Variants in LRRC9 observed in about 807,000 individuals in gnomAD.
LRRC9 encodes the protein leucine-rich repeat-containing protein 9.
A neutral mutation model predicts 63.2 loss-of-function variants in LRRC9; 122 were observed. The observed-to-expected ratio is 1.93, with a 90% confidence interval of 1.67 to 2.24. The LOEUF is 2.24. LRRC9 is among the 30% of genes most tolerant of loss of function. The probability of loss-of-function intolerance (pLI) is 0.00; values close to 1 mark genes in which losing one functional copy is unlikely to be tolerated. For missense variants in LRRC9, 1,071 were observed against 627.7 expected (o/e 1.71, Z -7.55); for synonymous variants, 366 against 213.1 (o/e 1.72, Z -6.25).
At chr14:60,039,291 G>C (rs1265807309) in intron 29 of LRRC9, among the ~76,000 whole-genome samples, 69 of 152,328 alleles carry the variant, frequency 4.5e-4, no homozygotes, top group Non-Finnish European at 5.9e-5. Context: ...ATGAGTTAGG[G>C]AGGATTCCCT....
rs1393527085 is a variant in LRRC9, at chr14:60,027,018, G to C, written c.3704-866G>C. Among the ~76,000 whole-genome samples, 1 of 151,942 alleles carries C rather than the reference G, an allele frequency of 6.6e-6. No homozygotes were observed. Among genetic ancestry groups the C allele is most frequent in the Non-Finnish European group, 1.5e-5 (1 of 67,960 alleles). The stretch of plus-strand genomic sequence containing the variant: ...GGTTAGGATTTTCACATATGAATTG[G>C]AGGGGGACACAATTCAGCACATAAT... On this transcript the variant is annotated intron_variant, in intron 27 of 31. Coordinates refer to ENST00000445360, the Ensembl canonical transcript of LRRC9. The surrounding 1 kb of genome is among the most constrained non-coding windows in gnomAD (Gnocchi z 4.0).
Position 60,063,354 on chromosome 14 carries a change from C to A in LRRC9, c.4308C>A (p.Ile1436=), listed in dbSNP as rs1016461260. The A allele has an allele frequency of 1.7e-5, 12 of 700,812 alleles. No individual in the cohort carries two copies. In the African/African-American group the frequency reaches 1.9e-4, roughly 11 times the overall value. 43.4% of individuals were successfully genotyped at this position (700,812 alleles called of 1,614,324 possible). Residue 1436 remains isoleucine (I), a synonymous_variant, in exon 32 of 32, where the codon ATC becomes ATA. Transcript: ENST00000445360. ...TGGGAGCAACTTTCCAAGATCAAAT[C>A]GAATGTAACTGCCTAAAGAGAAATG...
chr14:60,057,945 A>G (rs1193461076), exon 31 of LRRC9: 4 of 692,378 alleles, frequency 5.8e-6, no homozygotes, highest in Admixed American at 4.0e-5. Context: ...CCTCCCATAG[A>G]GATAACAAAT....
chr14:60,029,646 T>A (rs1209773872), intron 28 of LRRC9, among the ~76,000 whole-genome samples: 1 of 152,004 alleles, frequency 6.6e-6, no homozygotes, highest in African/African-American at 2.4e-5. Context: ...CTGCCCCACC[T>A]CTCTACTCCT....
rs1371695894 is a variant in LRRC9, at chr14:60,020,546, TAG to T, written c.3566+1289_3566+1290del. On this transcript the variant is annotated intron_variant, in intron 26 of 31. Coordinates refer to ENST00000445360, the Ensembl canonical transcript of LRRC9. ...TAATTCAATAATTTTACTAAATTTA[TAG>T]AGTTGTATAATCATGACTGCAATAC... Among the ~76,000 whole-genome samples the T allele has an allele frequency of 6.6e-5, 10 of 152,066 alleles. No homozygotes were observed. The East Asian group carries it at 1.2e-3, about 18-fold the overall frequency.
intron 31 of LRRC9, chr14:60,062,100 A>C: frequency 2.5e-6 from 1 of 398,838 alleles, no homozygotes; most frequent in South Asian, 1.3e-4. Flanking sequence ...AGGGATAAGT[A>C]TCTCTCCATC....
chr14:59,954,478 T>C (rs769204364), intron 8 of LRRC9, among the ~76,000 whole-genome samples: 23 of 152,196 alleles, frequency 1.5e-4, no homozygotes, highest in Non-Finnish European at 2.8e-4. Context: ...TATTGGTGTA[T>C]AGGAATGCTT....
At position 59,938,263 on chromosome 14, in the gene LRRC9, A is replaced by T; in HGVS notation, c.544-127A>T. Reference sequence around the variant, plus strand: ...TAGAGAGAAACATTTTAGGCATCTAAATCACTTTAATGTATTTAAGCGCAT... The same window carrying T: ...TAGAGAGAAACATTTTAGGCATCTATATCACTTTAATGTATTTAAGCGCAT... On this transcript the variant is annotated intron_variant, in intron 6 of 31. Coordinates refer to ENST00000445360, the Ensembl canonical transcript of LRRC9. The surrounding 1 kb of genome is among the most constrained non-coding windows in gnomAD (Gnocchi z 4.2). 2.2e-6 allele frequency: 1 copy of T among 463,070 alleles called. No individual in the cohort carries two copies. The highest frequency in any genetic ancestry group is 3.8e-6 in the Non-Finnish European group (1 of 264,274). The allele number at this position is 463,070 out of a possible 1,614,324, so 28.7% of individuals were successfully genotyped here. A position where few individuals can be genotyped will look rare whatever the true frequency, so the allele number is the denominator to read the frequency against.
intron 17 of LRRC9, among the ~76,000 whole-genome samples, chr14:59,995,829 G>A (rs563965415): frequency 2.4e-4 from 37 of 152,020 alleles, no homozygotes; most frequent in African/African-American, 7.2e-4. Flanking sequence ...TGCAACCTCC[G>A]CCTCCCGGGT....
chr14:60,058,258 G>C lies in LRRC9; in HGVS notation c.4276+236G>C, dbSNP rs984134732. On this transcript the variant is annotated intron_variant, in intron 31 of 31. Transcript: ENST00000445360. This position sits in a 1 kb window ranked among gnomAD's most constrained non-coding sequence, Gnocchi z 4.4. Reference sequence around the variant, plus strand: ...ACTAGCATGTTGTGACTAAACATTTGCTCACTTGCAATGTGAACTTTGTGA... The same window carrying C: ...ACTAGCATGTTGTGACTAAACATTTCCTCACTTGCAATGTGAACTTTGTGA... Among the ~76,000 whole-genome samples the C allele has an allele frequency of 6.6e-6, 1 of 151,800 alleles. No individual in the cohort carries two copies. Among genetic ancestry groups the C allele is most frequent in the African/African-American group, 2.4e-5 (1 of 41,302 alleles).
intron 29 of LRRC9, among the ~76,000 whole-genome samples, chr14:60,034,015 CTTTTTTTTT>C (rs1157239003): frequency 8.6e-6 from 1 of 116,058 alleles, no homozygotes; most frequent in Non-Finnish European, 1.7e-5. Flanking sequence ...TTTTTTCTTT[CTTTTTTTTT>C]TTTTTTTTTT....
rs1240139988 is a variant in LRRC9 at position 60,027,694 on chromosome 14, G to A, written c.3704-190G>A. Among the ~76,000 whole-genome samples, 2 of 151,922 alleles carry A rather than the reference G, an allele frequency of 1.3e-5. No individual in the cohort carries two copies. Among genetic ancestry groups the A allele is most frequent in the African/African-American group, 4.8e-5 (2 of 41,392 alleles). Reference sequence around the variant, plus strand: ...TCAAATTCACAAATGAGAAATTTTAGCAAATATTATTTTATGATGATGCTA... The same window carrying A: ...TCAAATTCACAAATGAGAAATTTTAACAAATATTATTTTATGATGATGCTA... On this transcript the variant is annotated intron_variant, in intron 27 of 31. Transcript: ENST00000445360. This position sits in a 1 kb window ranked among gnomAD's most constrained non-coding sequence, Gnocchi z 4.0.
intron 29 of LRRC9, among the ~76,000 whole-genome samples, chr14:60,040,867 C>T (rs1224785579): frequency 6.6e-6 from 1 of 151,892 alleles, no homozygotes; most frequent in African/African-American, 2.4e-5. Context: ...ATGGTCTTTA[C>T]AATTTGGCAT....
intron 29 of LRRC9, among the ~76,000 whole-genome samples, chr14:60,037,050 A>G (rs1892504022): frequency 6.6e-6 from 1 of 152,148 alleles, no homozygotes; most frequent in Admixed American, 6.5e-5. Context: ...TTTGCTCAGA[A>G]TGATGGTTTC....
At chr14:60,002,344 G>A (rs1388274949) in intron 20 of LRRC9, among the ~76,000 whole-genome samples, 1 of 152,106 alleles carries the variant, frequency 6.6e-6, no homozygotes, top group African/African-American at 2.4e-5. Flanking sequence ...CTTTGATGTT[G>A]TACATTAGGG....
At chr14:59,991,789 AG>A in intron 17 of LRRC9, among the ~76,000 whole-genome samples, 1 of 66,962 alleles carries the variant, frequency 1.5e-5, no homozygotes, top group Non-Finnish European at 5.0e-5. Flanking sequence ...GCCATTGCCC[AG>A]GCTTCAGTAG....
In LRRC9 at chr14:59,932,672, T is replaced by C. The variant is rs1889799349; in HGVS notation, c.543+633T>C. On this transcript the variant is annotated intron_variant, in intron 6 of 31. Coordinates refer to ENST00000445360, the Ensembl canonical transcript of LRRC9. This position sits in a 1 kb window ranked among gnomAD's most constrained non-coding sequence, Gnocchi z 4.7. Reference sequence around the variant, plus strand: ...TCAGCAAGTACAACTGGGTGCACCTTCAGAATATGTCCAGAGTCTGATCAC... The same window carrying C: ...TCAGCAAGTACAACTGGGTGCACCTCCAGAATATGTCCAGAGTCTGATCAC... 6.6e-6 allele frequency among the ~76,000 whole-genome samples: 1 copy of C among 152,098 alleles called. No individual in the cohort carries two copies. Among genetic ancestry groups the C allele is most frequent in the Admixed American group, 6.6e-5 (1 of 15,252 alleles).
rs1346843366 is a variant in LRRC9, at chr14:59,922,582, A to T, written c.-34+2699A>T. 6.6e-6 allele frequency among the ~76,000 whole-genome samples: 1 copy of T among 152,230 alleles called. No homozygotes were observed. The highest frequency in any genetic ancestry group is 1.9e-4 in the East Asian group (1 of 5,196). On this transcript the variant is annotated intron_variant, in intron 1 of 31. Coordinates refer to ENST00000445360, the Ensembl canonical transcript of LRRC9. This position sits in a 1 kb window ranked among gnomAD's most constrained non-coding sequence, Gnocchi z 5.3. Reference sequence around the variant, plus strand: ...AGACAGATAAGGATAGGATCAATACATAGGAAAAGGGATTTGTTTTGGACA... The same window carrying T: ...AGACAGATAAGGATAGGATCAATACTTAGGAAAAGGGATTTGTTTTGGACA...
At chr14:59,956,970 G>A (rs546226873) in intron 8 of LRRC9, among the ~76,000 whole-genome samples, 1 of 152,272 alleles carries the variant, frequency 6.6e-6, no homozygotes, top group East Asian at 1.9e-4. Flanking sequence ...ACTCTCTTCT[G>A]GCTTGTAGGG....
Sources: gnomAD v4.1 joint callset for allele counts (sites outside exome capture counted in the v4.1 genomes callset) on GRCh38, gnomAD v4.1.1 for gene constraint, Gnocchi (gnomAD v3.1) non-coding constraint, MANE v1.5 for transcripts, NCBI Gene and HGNC (gene_info 2026-07-23, HGNC 2026-07-21) for gene names.